ZCWPW2: variants seen among roughly 807,000 people sequenced by gnomAD.
ZCWPW2 encodes zinc finger CW-type PWWP domain protein 2.
In ZCWPW2, 45 loss-of-function variants were observed where a neutral mutation model predicts 46.6. The observed-to-expected ratio is 0.96, with a 90% CI of 0.76 to 1.24. The LOEUF is 1.24. Among genes scored for constraint, ZCWPW2 ranks in the 50% most tolerant of loss-of-function variants. The pLI is 0.00. For missense variants in ZCWPW2, 429 were observed against 403.9 expected (o/e 1.06, Z -0.53); for synonymous variants, 152 against 137.1 (o/e 1.11, Z -0.76).
At chr3:28,517,994 G>C (rs1004707468) in intron 8 of ZCWPW2, among the ~76,000 whole-genome samples, 4 of 151,910 alleles carry the variant, frequency 2.6e-5, no homozygotes, top group Non-Finnish European at 5.9e-5. Context: ...AAATTAGCTG[G>C]GTGTGGTGGT....
At chr3:28,357,022 T>A (rs1356171456) in intron 1 of ZCWPW2, among the ~76,000 whole-genome samples, 1 of 151,890 alleles carries the variant, frequency 6.6e-6, no homozygotes, top group Non-Finnish European at 1.5e-5. Flanking sequence ...AAGAAAAAAA[T>A]AAATTCCCTT....
chr3:28,478,975 T>C, intron 5 of ZCWPW2, 44 bp downstream of exon 5: 2 of 1,278,996 alleles, frequency 1.6e-6, no homozygotes, highest in South Asian at 1.4e-5. Flanking sequence ...TAAGGATTTA[T>C]TCAAATGCAT....
intron 4 of ZCWPW2, chr3:28,447,802 T>G (rs1422926976): frequency 1.5e-5 from 13 of 849,616 alleles, no homozygotes; most frequent in Non-Finnish European, 2.6e-5. Context: ...CCTGAACCCC[T>G]GGCAATAGAA....
chr3:28,460,055 G>A (rs905668187), intron 4 of ZCWPW2, among the ~76,000 whole-genome samples: 1 of 152,080 alleles, frequency 6.6e-6, no homozygotes, highest in East Asian at 1.9e-4. Context: ...ATGTTGCAGG[G>A]AGTACCCAGT....
At chr3:28,484,493 C>A (rs140819257) in intron 5 of ZCWPW2, among the ~76,000 whole-genome samples, 1 of 152,020 alleles carries the variant, frequency 6.6e-6, no homozygotes, top group South Asian at 2.1e-4. Context: ...TTTCTTTTTG[C>A]GAAAATTTTA....
chr3:28,367,499 C>T lies in ZCWPW2; in HGVS notation c.-134+18296C>T, dbSNP rs187838413. 6.9e-3 allele frequency among the ~76,000 whole-genome samples: 1,044 copies of T among 152,122 alleles called. 10 individuals carry two copies. The highest frequency in any genetic ancestry group is 0.023 in the African/African-American group (945 of 41,510). ...CTGAGTTCTAGTTTGATTGCACTGT[C>T]GTCTGAGAGACAGTTTGTTATAATT... is the stretch of plus-strand genomic sequence containing the variant. On this transcript the variant is annotated intron_variant, in intron 1 of 9. Transcript: ENST00000383768.
At chr3:28,511,093 A>G in intron 6 of ZCWPW2, 1 of 455,798 alleles carries the variant, frequency 2.2e-6, no homozygotes, top group Non-Finnish European at 4.4e-6. Flanking sequence ...GCTGAAGTGA[A>G]AAGGATCAAC....
chr3:28,501,332 A>C (rs1700137193), intron 6 of ZCWPW2, among the ~76,000 whole-genome samples: 1 of 152,120 alleles, frequency 6.6e-6, no homozygotes, highest in African/African-American at 2.4e-5. Flanking sequence ...GCTCAGATTG[A>C]CTGGGACCCT....
chr3:28,435,064 C>A (rs1697425998), intron 3 of ZCWPW2, 46 bp from the exon 4 acceptor site: 3 of 1,593,978 alleles, frequency 1.9e-6, no homozygotes, highest in Admixed American at 1.8e-5. Context: ...TTGATGTCTA[C>A]CTTTTTAAAA....
Position 28,379,919 on chromosome 3 carries a change from C to T in ZCWPW2, c.-133-10579C>T, listed in dbSNP as rs367804669. On this transcript the variant is annotated intron_variant, in intron 1 of 9. Transcript: ENST00000383768. ...TAATGGAGTAGACCTAATCTTGGAA[C>T]AAAAACATTAAGTAAGTCAAGTTTA... Among the ~76,000 whole-genome samples, 8 of 152,150 alleles carry T rather than the reference C, an allele frequency of 5.3e-5. No individual in the cohort carries two copies. The South Asian group carries it at 6.2e-4, about 12-fold the overall frequency.
Position 28,392,271 on chromosome 3 carries a change from C to T in ZCWPW2, c.-14+1654C>T, listed in dbSNP as rs139746577. On this transcript the variant is annotated intron_variant, in intron 2 of 9. Coordinates refer to ENST00000383768, the MANE Select transcript of ZCWPW2 (RefSeq NM_001040432.4). ...TCAGTTCATCAAGAAGATATAACATCCATAAATATATATGCACCCAACATC... is the reference window on the plus strand; with the variant it reads ...TCAGTTCATCAAGAAGATATAACATTCATAAATATATATGCACCCAACATC... 2.5e-3 allele frequency among the ~76,000 whole-genome samples: 377 copies of T among 152,154 alleles called. 1 individual carries two copies. Among genetic ancestry groups the T allele is most frequent in the African/African-American group, 8.3e-3 (344 of 41,522 alleles).
At position 28,494,930 on chromosome 3, in the gene ZCWPW2, G is replaced by A. The variant is rs1257793216; in HGVS notation, c.657+2757G>A. Among the ~76,000 whole-genome samples, 6 of 150,050 alleles carry A rather than the reference G, an allele frequency of 4.0e-5. No individual in the cohort carries two copies. In the East Asian group the frequency reaches 1.2e-3, roughly 29 times the overall value. On this transcript the variant is annotated intron_variant, in intron 6 of 9. Coordinates refer to ENST00000383768, the MANE Select transcript of ZCWPW2 (RefSeq NM_001040432.4). ...ACCACTGCTCAAGGAAATAAAAGAG[G>A]ACACAAACAAATGGAAGAACATTCC...
intron 6 of ZCWPW2, among the ~76,000 whole-genome samples, chr3:28,507,785 A>T (rs965658999): frequency 5.3e-4 from 80 of 152,002 alleles, no homozygotes; most frequent in Admixed American, 4.6e-3. Flanking sequence ...TAGGCCTATT[A>T]TTTTTGTGGT....
At chr3:28,375,174 G>A (rs1235945352) in intron 1 of ZCWPW2, among the ~76,000 whole-genome samples, 1 of 148,708 alleles carries the variant, frequency 6.7e-6, no homozygotes, top group African/African-American at 2.5e-5. Context: ...TTTTTTGTTT[G>A]TTTGTTTGTT....
intron 6 of ZCWPW2, among the ~76,000 whole-genome samples, chr3:28,495,811 G>T (rs185505338): frequency 7.9e-5 from 12 of 152,030 alleles, no homozygotes; most frequent in African/African-American, 2.9e-4. Context: ...GGACATTTAA[G>T]AAATTTTTGG....
At chr3:28,416,960 T>C (rs1482533060) in intron 3 of ZCWPW2, among the ~76,000 whole-genome samples, 1 of 149,684 alleles carries the variant, frequency 6.7e-6, no homozygotes, top group Non-Finnish European at 1.5e-5. Flanking sequence ...TCATCAAGGA[T>C]ATTGGTCTAA....
At position 28,397,661 on chromosome 3, in the gene ZCWPW2, C is replaced by T. The variant is rs146876865; in HGVS notation, c.-14+7044C>T. Among the ~76,000 whole-genome samples, 384 of 152,202 alleles carry T rather than the reference C, an allele frequency of 2.5e-3. 1 individual carries two copies. The highest frequency in any genetic ancestry group is 8.4e-3 in the African/African-American group (348 of 41,522). Reference sequence around the variant, plus strand: ...CTCCAGCCTGGGTGACAGAATGAGACTTTATCTCAAAAATAAATATATAAT... The same window carrying T: ...CTCCAGCCTGGGTGACAGAATGAGATTTTATCTCAAAAATAAATATATAAT... On this transcript the variant is annotated intron_variant, in intron 2 of 9. Transcript: ENST00000383768.
intron 2 of ZCWPW2, among the ~76,000 whole-genome samples, chr3:28,401,142 G>A (rs1357130701): frequency 6.6e-6 from 1 of 151,382 alleles, no homozygotes; most frequent in Admixed American, 6.6e-5. Flanking sequence ...TTGCACCCCT[G>A]CACTCCAGCC....
intron 2 of ZCWPW2, among the ~76,000 whole-genome samples, chr3:28,407,486 A>G (rs1026864989): frequency 6.6e-6 from 1 of 152,170 alleles, no homozygotes; most frequent in African/African-American, 2.4e-5. Flanking sequence ...TATAGTGTGC[A>G]AAATAATATG....
Sources: gnomAD v4.1 joint callset for allele counts (sites outside exome capture counted in the v4.1 genomes callset) on GRCh38, gnomAD v4.1.1 for gene constraint, MANE v1.5 for transcripts, NCBI Gene and HGNC (gene_info 2026-07-23, HGNC 2026-07-21) for gene names.